RRP1B: variants seen among roughly 807,000 people sequenced by gnomAD.
RRP1B encodes ribosomal RNA processing 1B, also known as ribosomal RNA processing protein 1 homolog B.
A neutral mutation model predicts 80.2 loss-of-function variants in RRP1B; 56 were observed. That is an observed-to-expected ratio of 0.70 (90% CI 0.56 to 0.87). RRP1B has a LOEUF of 0.87. Ranked by LOEUF, RRP1B falls within the 40% of genes least tolerant of loss-of-function variation. RRP1B has a pLI of 0.00. For missense variants in RRP1B, 807 were observed against 939.8 expected (o/e 0.86, Z 1.85); for synonymous variants, 351 against 357.6 (o/e 0.98, Z 0.21).
At chr21:43,674,954 C>T (rs183592605) in intron 5 of RRP1B, 80 bp from the exon 6 acceptor site, 23 of 1,553,804 alleles carry the variant, frequency 1.5e-5, no homozygotes, top group East Asian at 6.7e-5. Flanking sequence ...AGGTTCTAGA[C>T]GGAGTATTTT....
chr21:43,681,598 G>A (rs1433305201), intron 8 of RRP1B, among the ~76,000 whole-genome samples: 2 of 152,192 alleles, frequency 1.3e-5, no homozygotes, highest in Non-Finnish European at 2.9e-5. Flanking sequence ...GCCTCCCAAA[G>A]TCTTGGAATT....
Position 43,693,356 on chromosome 21 carries a change from A to G in RRP1B, c.2250A>G (p.Arg750=), listed in dbSNP as rs1473609321. ...AKKPLTTTPR[R]RPRAMDFF is the part of the protein sequence containing the mutation. ...AGCCCCTGACCACCACACCAAGGAG[A>G]AGGCCCAGGGCTATGGATTTCTTCT... Residue 750 remains arginine, a synonymous_variant, in exon 16 of 16, where the codon AGA becomes AGG. Transcript: ENST00000340648. This position sits in a 1 kb window ranked among gnomAD's most constrained non-coding sequence, Gnocchi z 4.1. 6.3e-7 allele frequency: 1 copy of G among 1,599,264 alleles called. No homozygotes were observed. The highest frequency in any genetic ancestry group is 1.1e-5 in the South Asian group (1 of 89,534).
chr21:43,672,814 T>C (rs1430912033), intron 3 of RRP1B, among the ~76,000 whole-genome samples: 1 of 152,190 alleles, frequency 6.6e-6, no homozygotes, highest in Non-Finnish European at 1.5e-5. Flanking sequence ...TGATTGCTTA[T>C]AAAGGAAGAA....
At chr21:43,674,535 A>G (rs2083013228) in intron 4 of RRP1B, 101 bp from the exon 5 acceptor site, 3 of 828,502 alleles carry the variant, frequency 3.6e-6, no homozygotes, top group Non-Finnish European at 5.5e-6. Context: ...GGCCATAACA[A>G]TTTCATTGGT....
intron 1 of RRP1B, among the ~76,000 whole-genome samples, chr21:43,662,093 T>C (rs561480740): frequency 7.9e-5 from 12 of 152,230 alleles, no homozygotes; most frequent in Non-Finnish European, 1.6e-4. Flanking sequence ...TGGGAGTACA[T>C]GCAACCGTAA....
In RRP1B at chr21:43,688,117, G is replaced by A. The variant is rs776192169; in HGVS notation, c.1743G>A (p.Glu581=). Residue 581 remains glutamate, a synonymous_variant, in exon 13 of 16, where the codon GAG becomes GAA. Coordinates refer to ENST00000340648, the MANE Select transcript of RRP1B (RefSeq NM_015056.3). ...QKKKAGPGSL[E]LCGLPSQKTA... ...AGAAGGCAGGGCCCGGCAGCCTGGA[G>A]CTCTGTGGCCTGCCCAGCCAGAAAA... The A allele has an allele frequency of 1.9e-6, 3 of 1,598,754 alleles. No homozygotes were observed. Among genetic ancestry groups the A allele is most frequent in the African/African-American group, 2.7e-5 (2 of 74,554 alleles).
chr21:43,674,643 G>A lies in RRP1B; in HGVS notation c.365G>A (p.Arg122His). Residue 122 changes from arginine (R) to histidine (H), a missense_variant, in exon 5 of 16, where the codon CGT (arginine) becomes CAT (histidine). Physicochemically the swap from Arg to His is conservative, Grantham distance 29. Transcript: ENST00000340648. ...LRLDKYYMLI[R>H]LVLRQSFEVL... ...AAAATTGCCTTTCTTTAGCTGATTC[G>A]TCTGGTCCTGAGGCAGTCCTTTGAA... 4 of 1,220,194 alleles carry A rather than the reference G, an allele frequency of 3.3e-6. No individual in the cohort carries two copies. Among genetic ancestry groups the A allele is most frequent in the South Asian group, 1.9e-5 (1 of 53,610 alleles). 75.6% of individuals were successfully genotyped at this position (1,220,194 alleles called of 1,614,324 possible).
chr21:43,688,388 C>A, intron 13 of RRP1B, 148 bp downstream of exon 13: 2 of 993,276 alleles, frequency 2.0e-6, no homozygotes, highest in Non-Finnish European at 2.9e-6. Context: ...TTCATAACAG[C>A]CTTCACTAAG....
intron 7 of RRP1B, 123 bp downstream of exon 7, chr21:43,676,459 A>G: frequency 1.3e-6 from 1 of 778,858 alleles, no homozygotes; most frequent in Non-Finnish European, 2.1e-6. Flanking sequence ...CGGCTGGAGA[A>G]GACAGCCGAA....
chr21:43,671,419 G>A (rs527382850), intron 2 of RRP1B, among the ~76,000 whole-genome samples: 3 of 147,794 alleles, frequency 2.0e-5, no homozygotes, highest in Admixed American at 1.4e-4. Flanking sequence ...AGGCTGAAGT[G>A]CAGGGGTGCC....
rs73369447 is a variant in RRP1B at position 43,691,590 on chromosome 21, G to A, written c.2083+88G>A. The A allele has an allele frequency of 7.8e-3, 8,177 of 1,050,230 alleles. 407 individuals are homozygous for A. The African/African-American group carries it at 0.11, about 14-fold the overall frequency. The allele number at this position is 1,050,230 out of a possible 1,614,324, so 65.1% of individuals were successfully genotyped here. ...CGCAGCCTGGTTCCACAAGGCGGTC[G>A]GGGAAGAGGGGGGTCCTAGCTCCTC... On this transcript the variant is annotated intron_variant, in intron 15 of 15. Transcript: ENST00000340648. This position sits in a 1 kb window ranked among gnomAD's most constrained non-coding sequence, Gnocchi z 4.2.
chr21:43,683,407 G>C (rs768039519), intron 9 of RRP1B, 34 bp downstream of exon 9: 1 of 1,556,388 alleles, frequency 6.4e-7, no homozygotes, highest in African/African-American at 1.4e-5. Flanking sequence ...ATAGAATATA[G>C]ATTTGCTGTG....
At chr21:43,674,785 A>T in intron 5 of RRP1B, 88 bp downstream of exon 5, 1 of 1,224,678 alleles carries the variant, frequency 8.2e-7, no homozygotes, top group Non-Finnish European at 1.2e-6. Flanking sequence ...TAGAGTACCA[A>T]TGAGAAGCTC....
In RRP1B at chr21:43,693,249, T is replaced by C; in HGVS notation, c.2143T>C (p.Phe715Leu). ...VSPTGPSRVAFDPEQKPLHGV... is the reference protein window; with the variant it reads ...VSPTGPSRVALDPEQKPLHGV... ...TCCCACGGGCCCTTCTCGAGTGGCCTTCGACCCTGAACAGAAGCCCCTCCA... is the reference window on the plus strand; with the variant it reads ...TCCCACGGGCCCTTCTCGAGTGGCCCTCGACCCTGAACAGAAGCCCCTCCA... Residue 715 changes from phenylalanine (F) to leucine (L), a missense_variant, in exon 16 of 16, where the codon TTC (phenylalanine) becomes CTC (leucine). By Grantham distance (22) the Phe-to-Leu change is conservative (BLOSUM62 0). Coordinates refer to ENST00000340648, the MANE Select transcript of RRP1B (RefSeq NM_015056.3). The surrounding 1 kb of genome is among the most constrained non-coding windows in gnomAD (Gnocchi z 4.1). 2 of 1,614,014 alleles carry C rather than the reference T, an allele frequency of 1.2e-6. No homozygotes were observed. The highest frequency in any genetic ancestry group is 1.7e-6 in the Non-Finnish European group (2 of 1,180,010).
At chr21:43,667,546 C>T (rs371391044) in intron 1 of RRP1B, among the ~76,000 whole-genome samples, 3 of 152,276 alleles carry the variant, frequency 2.0e-5, no homozygotes, top group Non-Finnish European at 2.9e-5. Flanking sequence ...TGAGCCGCCA[C>T]GCCTGGGTGA....
rs2083003077 is a variant in RRP1B, at chr21:43,672,347, G to A, written c.253G>A (p.Val85Ile). 6.2e-7 allele frequency: 1 copy of A among 1,614,102 alleles called. No individual in the cohort carries two copies. The change falls in exon 3 of 16, where the codon GTT (valine) becomes ATT (isoleucine). Residue 85 changes from valine to isoleucine, a missense_variant. Physicochemically the swap from Val to Ile is conservative, Grantham distance 29. Transcript: ENST00000340648. ...ANTIAQLVHAVNNSAAQHLFI... is the reference protein window; with the variant it reads ...ANTIAQLVHAINNSAAQHLFI... ...CACCATTGCACAGCTAGTCCATGCT[G>A]TTAACAACTCAGCGGCTCGTAAGTC...
chr21:43,675,402 A>G (rs1046622458), intron 6 of RRP1B, among the ~76,000 whole-genome samples: 4 of 152,232 alleles, frequency 2.6e-5, no homozygotes, highest in Non-Finnish European at 4.4e-5. Flanking sequence ...AGACTCCACT[A>G]AAGAACTCAC....
At chr21:43,679,697 G>T (rs1355144951) in intron 8 of RRP1B, among the ~76,000 whole-genome samples, 3 of 152,174 alleles carry the variant, frequency 2.0e-5, no homozygotes, top group African/African-American at 7.2e-5. Context: ...TATGGGCATT[G>T]TGTTGAATCT....
At chr21:43,674,938 C>T (rs1012522655) in intron 5 of RRP1B, 96 bp from the exon 6 acceptor site, 6 of 1,472,586 alleles carry the variant, frequency 4.1e-6, no homozygotes, top group Non-Finnish European at 5.5e-6. Context: ...GATTGTTAGG[C>T]TGTGTAGGTT....
Sources: allele counts gnomAD v4.1 joint callset (sites outside exome capture counted in the v4.1 genomes callset), GRCh38; gene constraint gnomAD v4.1.1; non-coding constraint Gnocchi (gnomAD v3.1); transcripts MANE v1.5; gene names NCBI Gene and HGNC (gene_info 2026-07-23, HGNC 2026-07-21).